The following ARHGEF26 variants were observed in gnomAD, a reference collection of about 807,000 sequenced individuals.
ARHGEF26 encodes the protein Rho guanine nucleotide exchange factor 26.
Under a neutral mutation model 89.4 loss-of-function variants are expected in ARHGEF26, and 59 were observed. That is an observed-to-expected ratio of 0.66 (90% CI 0.54 to 0.82). The LOEUF is 0.82. Ranked by LOEUF, ARHGEF26 falls within the 40% of genes least tolerant of loss-of-function variation. The pLI, the probability that ARHGEF26 is intolerant of heterozygous loss-of-function variation, is 0.00. For synonymous variants in ARHGEF26, 500 were observed against 428.4 expected, an observed-to-expected ratio of 1.17 and a Z score of -2.06; for missense variants, 1,234 against 1,085.6, an observed-to-expected ratio of 1.14 and a Z score of -1.92.
At chr3:154,131,161 G>A (rs1156987273) in intron 4 of ARHGEF26, among the ~76,000 whole-genome samples, 1 of 152,138 alleles carries the variant, frequency 6.6e-6, no homozygotes, top group Non-Finnish European at 1.5e-5. Context: ...TGTGATGCTG[G>A]TATATGTAGG....
At chr3:154,124,724 C>T (rs561108828) in intron 3 of ARHGEF26, among the ~76,000 whole-genome samples, 1 of 152,132 alleles carries the variant, frequency 6.6e-6, no homozygotes, top group South Asian at 2.1e-4. Flanking sequence ...TCCCCATGTT[C>T]CTCAGGAAGG....
Position 154,194,664 on chromosome 3 carries a change from TAAG to T in ARHGEF26, c.1792_1794del (p.Lys598del), listed in dbSNP as rs1239939833. 1.2e-6 allele frequency: 2 copies of T among 1,612,338 alleles called. No homozygotes were observed. The highest frequency in any genetic ancestry group is 2.7e-5 in the African/African-American group (2 of 74,916). ...TACAGACTATCTGTCAAAAAACACC[TAAG>T]GACTCTCCGAAGTATGAAGTCTGCA... On this transcript the variant is annotated inframe_deletion, in exon 9 of 15. Transcript: ENST00000465093.
chr3:154,146,545 A>G (rs1210837236), intron 4 of ARHGEF26, among the ~76,000 whole-genome samples: 2 of 152,194 alleles, frequency 1.3e-5, no homozygotes, highest in South Asian at 2.1e-4. Flanking sequence ...AGTGTTCTTT[A>G]TTAGGTTTAG....
intron 6 of ARHGEF26, among the ~76,000 whole-genome samples, chr3:154,163,654 T>TAG (rs1711804450): frequency 6.6e-6 from 1 of 152,146 alleles, no homozygotes; most frequent in African/African-American, 2.4e-5. Context: ...TTTGACCTCT[T>TAG]AGAATATGGA....
At chr3:154,201,004 A>AT (rs55756439) in intron 9 of ARHGEF26, among the ~76,000 whole-genome samples, 137,949 of 151,342 alleles carry the variant, frequency 0.91, 63,111 homozygotes, top group East Asian at 0.99. Flanking sequence ...CAAATATAAG[A>AT]TTTTTTTTTA....
chr3:154,141,603 A>T (rs565515554), intron 4 of ARHGEF26, among the ~76,000 whole-genome samples: 3 of 152,204 alleles, frequency 2.0e-5, no homozygotes, highest in South Asian at 4.1e-4. Context: ...TTTATACATC[A>T]TGGAGTGGAC....
intron 4 of ARHGEF26, among the ~76,000 whole-genome samples, chr3:154,132,738 T>C (rs143302253): frequency 1.5e-3 from 227 of 152,130 alleles, no homozygotes; most frequent in African/African-American, 5.0e-3. Context: ...TAAATATATA[T>C]GTGTGTGTAT....
At chr3:154,172,129 C>T (rs867880883) in intron 6 of ARHGEF26, among the ~76,000 whole-genome samples, 52 of 152,136 alleles carry the variant, frequency 3.4e-4, no homozygotes, top group Admixed American at 5.9e-4. Context: ...CAGGTGCGAC[C>T]GGCTCATTCA....
At chr3:154,157,685 C>T (rs1224061241) in intron 6 of ARHGEF26, among the ~76,000 whole-genome samples, 4 of 151,658 alleles carry the variant, frequency 2.6e-5, no homozygotes, top group Non-Finnish European at 5.9e-5. Flanking sequence ...GCTGAAAAGG[C>T]GGGGTCCTCC....
intron 4 of ARHGEF26, among the ~76,000 whole-genome samples, chr3:154,141,003 C>T (rs1719342586): frequency 1.3e-5 from 2 of 151,966 alleles, no homozygotes; most frequent in Admixed American, 1.3e-4. Flanking sequence ...GCTCTGTCGC[C>T]CAGGCTGGAG....
At chr3:154,132,419 C>G (rs1477153715) in intron 4 of ARHGEF26, among the ~76,000 whole-genome samples, 2 of 152,064 alleles carry the variant, frequency 1.3e-5, no homozygotes, top group African/African-American at 4.8e-5. Context: ...TCTGTCCTTC[C>G]CATGAGGGTT....
Position 154,255,695 on chromosome 3 carries a change from T to C in ARHGEF26, c.*222T>C. 1 of 1,361,758 alleles carries C rather than the reference T, an allele frequency of 7.3e-7. No individual in the cohort carries two copies. The highest frequency in any genetic ancestry group is 9.4e-7 in the Non-Finnish European group (1 of 1,063,048). The allele number at this position is 1,361,758 out of a possible 1,614,324, so 84.4% of individuals were successfully genotyped here. A position where few individuals can be genotyped will look rare whatever the true frequency, so the allele number is the denominator to read the frequency against. ...TTACCTAACCACACACTTGCAGACC[T>C]CCTGAGGTACACAGAATAGCTGAGC... On this transcript the variant is annotated 3_prime_UTR_variant, in exon 15 of 15. Coordinates refer to ENST00000465093, the MANE Select transcript of ARHGEF26 (RefSeq NM_015595.4).
rs1223739621 is a variant in ARHGEF26, at chr3:154,255,714, G to A, written c.*241G>A. The A allele has an allele frequency of 1.5e-5, 20 of 1,314,222 alleles. No individual in the cohort carries two copies. The highest frequency in any genetic ancestry group is 1.5e-4 in the Admixed American group (4 of 27,322). The allele number at this position is 1,314,222 out of a possible 1,614,324, so 81.4% of individuals were successfully genotyped here. The stretch of plus-strand genomic sequence containing the variant: ...CAGACCTCCTGAGGTACACAGAATA[G>A]CTGAGCAGTTCACTTCAGGGATCAG... On this transcript the variant is annotated 3_prime_UTR_variant, in exon 15 of 15. Transcript: ENST00000465093.
intron 7 of ARHGEF26, among the ~76,000 whole-genome samples, chr3:154,189,106 T>C (rs1213997841): frequency 6.6e-6 from 1 of 151,950 alleles, no homozygotes; most frequent in Non-Finnish European, 1.5e-5. Flanking sequence ...GGAACAGAGG[T>C]TCTCTGTAAC....
At chr3:154,143,198 T>C (rs1469857936) in intron 4 of ARHGEF26, among the ~76,000 whole-genome samples, 1 of 152,230 alleles carries the variant, frequency 6.6e-6, no homozygotes, top group East Asian at 1.9e-4. Context: ...GATAAAAAAA[T>C]TGAACTATCT....
chr3:154,121,018 T>A (rs537044747), upstream of ARHGEF26: 1 of 152,238 alleles, frequency 6.6e-6, no homozygotes, highest in Non-Finnish European at 1.5e-5. Flanking sequence ...TCTGCGCTAC[T>A]GCCCACGCAT....
chr3:154,218,596 C>G (rs541160108), intron 10 of ARHGEF26, among the ~76,000 whole-genome samples: 2 of 152,234 alleles, frequency 1.3e-5, no homozygotes, highest in Non-Finnish European at 2.9e-5. Flanking sequence ...GATTGTGACT[C>G]TATTGTTTTA....
intron 9 of ARHGEF26, among the ~76,000 whole-genome samples, chr3:154,217,455 G>A (rs560969440): frequency 6.6e-6 from 1 of 152,076 alleles, no homozygotes; most frequent in South Asian, 2.1e-4. Flanking sequence ...AGATGAGTAG[G>A]TTGCGAAAAT....
At chr3:154,149,915 GTTTA>G (rs1314075498) in intron 5 of ARHGEF26, among the ~76,000 whole-genome samples, 2 of 143,914 alleles carry the variant, frequency 1.4e-5, no homozygotes, top group Non-Finnish European at 3.0e-5. Flanking sequence ...AAAATAAAAA[GTTTA>G]TTTAGTAAAA....
Sources: gnomAD v4.1 joint callset for allele counts (sites outside exome capture counted in the v4.1 genomes callset) on GRCh38, gnomAD v4.1.1 for gene constraint, MANE v1.5 for transcripts, NCBI Gene and HGNC (gene_info 2026-07-23, HGNC 2026-07-21) for gene names.